The following FAR1 variants were observed in gnomAD, a reference collection of about 807,000 sequenced individuals.
The protein encoded by FAR1 is fatty acyl-CoA reductase 1.
FAR1 carries 22 observed loss-of-function variants against 61.1 expected under a neutral mutation model. The ratio of observed to expected loss-of-function variants is 0.36; its 90% confidence interval spans 0.26 to 0.51. The LOEUF is 0.51. FAR1 is among the 20% of genes least tolerant of loss of function. The pLI is 0.95. For missense variants in FAR1, 359 were observed against 626.9 expected, an observed-to-expected ratio of 0.57 and a Z score of 4.56; for synonymous variants, 206 against 209.7, an observed-to-expected ratio of 0.98 and a Z score of 0.15.
At chr11:13,687,151 T>G (rs1848195963) in intron 1 of FAR1, among the ~76,000 whole-genome samples, 1 of 152,232 alleles carries the variant, frequency 6.6e-6, no homozygotes, top group Admixed American at 6.5e-5. Context: ...AAAACCCACT[T>G]TGTAAGTAAG....
intron 9 of FAR1, among the ~76,000 whole-genome samples, chr11:13,717,324 G>A (rs543542166): frequency 1.5e-4 from 23 of 152,212 alleles, no homozygotes; most frequent in African/African-American, 4.6e-4. Context: ...CTAAAGCAAC[G>A]AGTTACTGAC....
chr11:13,732,033 A>G lies in FAR1; in HGVS notation c.*3259A>G, dbSNP rs1848732248. 6.6e-6 allele frequency: 1 copy of G among 152,110 alleles called. No homozygotes were observed. The highest frequency in any genetic ancestry group is 1.5e-5 in the Non-Finnish European group (1 of 68,002). The allele number at this position is 152,110 out of a possible 1,614,324, so 9.4% of individuals were successfully genotyped here. The stretch of plus-strand genomic sequence containing the variant: ...ATTAGCGCTAACTTGCTCTGTTTTG[A>G]GAAAAACTTTCCAAACTTTTGCATG... On this transcript the variant is annotated 3_prime_UTR_variant, in exon 12 of 12. Transcript: ENST00000354817.
chr11:13,693,546 T>G (rs1848276169), intron 1 of FAR1, among the ~76,000 whole-genome samples: 1 of 152,062 alleles, frequency 6.6e-6, no homozygotes. Flanking sequence ...AGTAAGACTG[T>G]CATGAGTAGC....
intron 1 of FAR1, among the ~76,000 whole-genome samples, chr11:13,670,701 A>G (rs1020230638): frequency 9.9e-5 from 15 of 151,114 alleles, no homozygotes; most frequent in South Asian, 4.2e-4. Context: ...TTTTGTAGCT[A>G]AGTAGCTTGA....
rs568010057 is a variant in FAR1, at chr11:13,682,178, A to G, written c.-7-12581A>G. ...CTGGCATTAATGTGTTGTTTTGTTC[A>G]TGAAGATATTATTGTATCAAACAAG... On this transcript the variant is annotated intron_variant, in intron 1 of 11. Coordinates refer to ENST00000354817, the MANE Select transcript of FAR1 (RefSeq NM_032228.6). Among the ~76,000 whole-genome samples the G allele has an allele frequency of 2.6e-5, 4 of 152,342 alleles. No homozygotes were observed. The East Asian group carries it at 5.8e-4, about 22-fold the overall frequency.
At chr11:13,674,108 G>T (rs561541218) in intron 1 of FAR1, among the ~76,000 whole-genome samples, 1 of 151,960 alleles carries the variant, frequency 6.6e-6, no homozygotes, top group Non-Finnish European at 1.5e-5. Context: ...TCAGGAGTTC[G>T]ATACCAGCCT....
intron 1 of FAR1, among the ~76,000 whole-genome samples, chr11:13,681,415 G>C (rs1308402210): frequency 6.6e-6 from 1 of 152,168 alleles, no homozygotes; most frequent in African/African-American, 2.4e-5. Context: ...ACATGTGTGA[G>C]CTTGTACAGA....
At chr11:13,688,054 C>T (rs1005277385) in intron 1 of FAR1, among the ~76,000 whole-genome samples, 2 of 151,688 alleles carry the variant, frequency 1.3e-5, no homozygotes, top group Non-Finnish European at 2.9e-5. Context: ...ACATATGTAA[C>T]AAACCTGCAC....
At chr11:13,669,804 C>G (rs985741308) in intron 1 of FAR1, 10 of 152,086 alleles carry the variant, frequency 6.6e-5, no homozygotes, top group African/African-American at 2.2e-4. Flanking sequence ...AGCACAAGAA[C>G]TCACTCCCTC....
intron 1 of FAR1, among the ~76,000 whole-genome samples, chr11:13,671,286 G>C (rs1183517748): frequency 2.6e-5 from 4 of 152,118 alleles, no homozygotes; most frequent in Non-Finnish European, 4.4e-5. Flanking sequence ...GTTTGTACTT[G>C]GTATAAGCAA....
At chr11:13,711,138 T>A (rs772819785) in intron 5 of FAR1, 30 of 398,364 alleles carry the variant, frequency 7.5e-5, no homozygotes, top group Non-Finnish European at 1.2e-4. Context: ...CAGAGGAGAT[T>A]TGGTTTGTTT....
intron 5 of FAR1, 109 bp downstream of exon 5, chr11:13,710,979 T>C: frequency 3.3e-6 from 3 of 914,626 alleles, no homozygotes; most frequent in Non-Finnish European, 4.9e-6. Context: ...TTACTAAAGG[T>C]GAATTACCAT....
intron 1 of FAR1, among the ~76,000 whole-genome samples, chr11:13,689,066 T>C (rs1848219254): frequency 6.6e-6 from 1 of 152,232 alleles, no homozygotes; most frequent in South Asian, 2.1e-4. Context: ...GAGACACTTC[T>C]GAGAAATCAA....
intron 10 of FAR1, among the ~76,000 whole-genome samples, chr11:13,725,064 T>G (rs1327885567): frequency 1.3e-5 from 2 of 152,248 alleles, no homozygotes; most frequent in African/African-American, 4.8e-5. Context: ...TTTATATAAA[T>G]GGTATTATAC....
intron 11 of FAR1, 130 bp downstream of exon 11, chr11:13,727,813 T>TA: frequency 2.4e-6 from 2 of 840,618 alleles, no homozygotes; most frequent in Non-Finnish European, 3.6e-6. Context: ...GGTAATCTCT[T>TA]ATATTTGTAG....
rs756153794 is a variant in FAR1, at chr11:13,707,972, A to G, written c.438A>G (p.Glu146=). The part of the protein sequence containing the change: ...ILLAQQMKNL[E]VFMHVSTAYA... ...TTGCACAACAAATGAAGAATCTGGA[A>G]GTGTTCATGCATGTATCAACAGCAT... The change falls in exon 4 of 12, where the codon GAA becomes GAG. Residue 146 remains glutamate, a synonymous_variant. Transcript: ENST00000354817. The G allele has an allele frequency of 3.1e-6, 5 of 1,607,576 alleles. No individual in the cohort carries two copies. The South Asian group carries it at 3.3e-5, about 11-fold the overall frequency.
chr11:13,716,306 C>T (rs1358010505), intron 9 of FAR1, among the ~76,000 whole-genome samples: 1 of 152,118 alleles, frequency 6.6e-6, no homozygotes, highest in African/African-American at 2.4e-5. Context: ...TTACTAAATG[C>T]TTCAGAGGAG....
intron 3 of FAR1, among the ~76,000 whole-genome samples, chr11:13,704,379 GAAGTT>G (rs1181506950): frequency 6.6e-5 from 10 of 152,258 alleles, no homozygotes; most frequent in African/African-American, 2.4e-4. Context: ...GAAAGGAATG[GAAGTT>G]AAGATTGATG....
intron 1 of FAR1, among the ~76,000 whole-genome samples, chr11:13,690,713 C>T (rs1262986328): frequency 6.6e-6 from 1 of 151,850 alleles, no homozygotes; most frequent in Non-Finnish European, 1.5e-5. Context: ...CTAATCTTGG[C>T]CCTTTGTATT....
Sources: allele counts gnomAD v4.1 joint callset (sites outside exome capture counted in the v4.1 genomes callset), GRCh38; gene constraint gnomAD v4.1.1; transcripts MANE v1.5; gene names NCBI Gene and HGNC (gene_info 2026-07-23, HGNC 2026-07-21).